The following THAP4 variants were observed in gnomAD, a reference collection of about 807,000 sequenced individuals.
The protein encoded by THAP4 is peroxynitrite isomerase THAP4.
Under a neutral mutation model 48.1 loss-of-function variants are expected in THAP4, and 18 were observed. The observed-to-expected ratio is 0.37, with a 90% CI of 0.26 to 0.56. The LOEUF (loss-of-function observed/expected upper bound fraction) is 0.56, where lower values mean the gene tolerates loss of function less well. Ranked by LOEUF, THAP4 falls within the 20% of genes least tolerant of loss-of-function variation. The pLI, the probability that THAP4 is intolerant of heterozygous loss-of-function variation, is 0.78. For missense variants in THAP4, 656 were observed against 774.9 expected (o/e 0.85, Z 1.82); for synonymous variants, 345 against 324.9 (o/e 1.06, Z -0.66).
Position 241,633,467 on chromosome 2 carries a change from T to C in THAP4, c.690A>G (p.Lys230=). The C allele has an allele frequency of 6.2e-7, 1 of 1,613,950 alleles. No individual in the cohort carries two copies. The highest frequency in any genetic ancestry group is 8.5e-7 in the Non-Finnish European group (1 of 1,179,974). ...DFTPPGSGAC[K]FIGSLHSYSF... ...TGTACGAATGAAGTGAGCCGATAAA[T>C]TTGCACGCCCCAGATCCTGGGGGCG... Residue 230 remains lysine, a synonymous_variant, in exon 2 of 6, where the codon AAA becomes AAG. Coordinates refer to ENST00000407315, the MANE Select transcript of THAP4 (RefSeq NM_015963.6). This position sits in a 1 kb window ranked among gnomAD's most constrained non-coding sequence, Gnocchi z 7.5.
chr2:241,586,749 G>A (rs1184245510), intron 5 of THAP4, among the ~76,000 whole-genome samples: 1 of 152,122 alleles, frequency 6.6e-6, no homozygotes, highest in African/African-American at 2.4e-5. Context: ...ATTAGACACA[G>A]ATGAAGAAAG....
In THAP4 at chr2:241,622,628, TTTG is replaced by T. The variant is rs1468732564; in HGVS notation, c.1240+10286_1240+10288del. ...AAGTTTTCTTTTTTTGAGATAGGGT[TTTG>T]TTCTGTTTCCCAGGCTGGAGTGCAG... On this transcript the variant is annotated intron_variant, in intron 2 of 5. Transcript: ENST00000407315. Among the ~76,000 whole-genome samples, 29 of 152,186 alleles carry T rather than the reference TTTG, an allele frequency of 1.9e-4. No homozygotes were observed. The East Asian group carries it at 5.2e-3, about 27-fold the overall frequency.
chr2:241,621,017 C>T (rs746174172), intron 2 of THAP4, among the ~76,000 whole-genome samples: 4 of 151,988 alleles, frequency 2.6e-5, no homozygotes, highest in Admixed American at 6.6e-5. Flanking sequence ...GACTCAGGTA[C>T]GGCAGAGATT....
At position 241,596,148 on chromosome 2, in the gene THAP4, A is replaced by T. The variant is rs148838208; in HGVS notation, c.1614+5748T>A. 5.5e-3 allele frequency among the ~76,000 whole-genome samples: 826 copies of T among 149,944 alleles called. 9 individuals carry two copies. The highest frequency in any genetic ancestry group is 0.019 in the African/African-American group (797 of 41,386). ...GGGGGTGGTCCAAGGGACCCCAGAC[A>T]TCTAAAGGTGGCCTATAAGATCCAA... On this transcript the variant is annotated intron_variant, in intron 5 of 5. Coordinates refer to ENST00000407315, the MANE Select transcript of THAP4 (RefSeq NM_015963.6).
Position 241,601,919 on chromosome 2 carries a change from C to A in THAP4, c.1591G>T (p.Ala531Ser). ...ASHSIARISF[A>S]KEPHVEQITR... ...ACCTGCTCTACGTGGGGCTCCTTGG[C>A]GAAGGAGATCCTGGCGATGGAGTGG... Residue 531 changes from alanine (A) to serine (S), a missense_variant, in exon 5 of 6, where the codon GCC becomes TCC. By Grantham distance (99) the Ala-to-Ser change is moderately conservative. Around this residue, in one of 4 missense-constraint regions of THAP4, gnomAD observed 176 missense variants for 256.7 expected, o/e 0.69. Transcript: ENST00000407315. The surrounding 1 kb of genome is among the most constrained non-coding windows in gnomAD (Gnocchi z 4.0). 5 of 1,613,880 alleles carry A rather than the reference C, an allele frequency of 3.1e-6. No individual in the cohort carries two copies. The South Asian group carries it at 5.5e-5, about 18-fold the overall frequency.
intron 2 of THAP4, among the ~76,000 whole-genome samples, chr2:241,620,464 G>A (rs2067415098): frequency 7.2e-6 from 1 of 139,430 alleles, no homozygotes. Context: ...GGATGAGTGA[G>A]GGGTGAGTGA....
At chr2:241,606,264 C>T (rs1434535090) in intron 3 of THAP4, 50 bp downstream of exon 3, 5 of 1,488,310 alleles carry the variant, frequency 3.4e-6, no homozygotes, top group Non-Finnish European at 3.6e-6. Flanking sequence ...TTTTCAGAGA[C>T]CTAGGCGGCC....
intron 5 of THAP4, among the ~76,000 whole-genome samples, chr2:241,592,762 C>T (rs774752796): frequency 5.9e-4 from 90 of 152,358 alleles, no homozygotes; most frequent in Non-Finnish European, 1.0e-3. Flanking sequence ...CACATGCAGA[C>T]ACCGTGTCTG....
rs145709909 is a variant in THAP4 at position 241,612,279 on chromosome 2, G to A, written c.1241-5806C>T. Among the ~76,000 whole-genome samples, 1,180 of 152,280 alleles carry A rather than the reference G, an allele frequency of 7.7e-3. 25 individuals are homozygous for A. The highest frequency in any genetic ancestry group is 0.027 in the African/African-American group (1,127 of 41,562). On this transcript the variant is annotated intron_variant, in intron 2 of 5. Transcript: ENST00000407315. The surrounding 1 kb of genome is among the most constrained non-coding windows in gnomAD (Gnocchi z 4.1). ...GTTAAAAAAAAAGACAAAAGATAGA[G>A]AAATGGAAACAAAGTTAGAAGGACG...
chr2:241,620,916 A>G (rs1221947697), intron 2 of THAP4, among the ~76,000 whole-genome samples: 1 of 152,094 alleles, frequency 6.6e-6, no homozygotes, highest in Non-Finnish European at 1.5e-5. Flanking sequence ...GCTGGATCTG[A>G]TATTTCATGT....
intron 5 of THAP4, among the ~76,000 whole-genome samples, chr2:241,590,880 T>G (rs1195536357): frequency 1.4e-5 from 2 of 142,082 alleles, no homozygotes; most frequent in Non-Finnish European, 3.2e-5. Context: ...ACTGCCCGGC[T>G]GACGATGATG....
At chr2:241,625,932 A>G (rs2067491699) in intron 2 of THAP4, among the ~76,000 whole-genome samples, 1 of 152,186 alleles carries the variant, frequency 6.6e-6, no homozygotes, top group Admixed American at 6.5e-5. Flanking sequence ...ATTATTTGCC[A>G]TGACCCAGTG....
chr2:241,617,539 G>A lies in THAP4; in HGVS notation c.1241-11066C>T, dbSNP rs1440421920. 2.0e-5 allele frequency: 26 copies of A among 1,332,116 alleles called. No individual in the cohort carries two copies. In the East Asian group the frequency reaches 5.9e-4, roughly 30 times the overall value. 82.5% of individuals were successfully genotyped at this position (1,332,116 alleles called of 1,614,324 possible). A position where few individuals can be genotyped will look rare whatever the true frequency, so the allele number is the denominator to read the frequency against. ...CAGGAAGTGAATGCTAACTTTAAATGGTGCATTCTGGGAATTGTAGTTCCA... is the reference window on the plus strand; with the variant it reads ...CAGGAAGTGAATGCTAACTTTAAATAGTGCATTCTGGGAATTGTAGTTCCA... On this transcript the variant is annotated intron_variant, in intron 2 of 5. Coordinates refer to ENST00000407315, the MANE Select transcript of THAP4 (RefSeq NM_015963.6).
chr2:241,617,184 A>G, intron 2 of THAP4, among the ~76,000 whole-genome samples: 1 of 152,200 alleles, frequency 6.6e-6, no homozygotes, highest in East Asian at 1.9e-4. Context: ...ATACTTCATT[A>G]GAAAAAAATA....
intron 2 of THAP4, among the ~76,000 whole-genome samples, chr2:241,614,075 G>A (rs1559227885): frequency 6.6e-6 from 1 of 151,268 alleles, no homozygotes; most frequent in African/African-American, 2.4e-5. Context: ...AATCACTTGC[G>A]CCCAGGAGGT....
intron 2 of THAP4, among the ~76,000 whole-genome samples, chr2:241,627,931 G>A (rs1055614698): frequency 5.9e-5 from 9 of 152,026 alleles, no homozygotes; most frequent in Non-Finnish European, 1.3e-4. Context: ...CCTCCCCACT[G>A]ACACACTCTC....
chr2:241,636,651 C>T (rs1387122945), intron 1 of THAP4, among the ~76,000 whole-genome samples: 2 of 152,202 alleles, frequency 1.3e-5, no homozygotes, highest in Non-Finnish European at 2.9e-5. Context: ...GACAATCGGC[C>T]CAGGACCTGC....
intron 1 of THAP4, among the ~76,000 whole-genome samples, chr2:241,635,680 G>A (rs1300757799): frequency 6.6e-6 from 1 of 152,156 alleles, no homozygotes; most frequent in East Asian, 1.9e-4. Context: ...TGAAGCAGGA[G>A]AATAGCTTGA....
rs146014372 is a variant in THAP4, at chr2:241,608,690, C to T, written c.1241-2217G>A. On this transcript the variant is annotated intron_variant, in intron 2 of 5. Coordinates refer to ENST00000407315, the MANE Select transcript of THAP4 (RefSeq NM_015963.6). ...AGAAGCTGACGGAACAGTCATACAT[C>T]CCTACGGAGCATACATCCTAGCGAG... Among the ~76,000 whole-genome samples, 574 of 152,338 alleles carry T rather than the reference C, an allele frequency of 3.8e-3. 1 individual carries two copies. Among genetic ancestry groups the T allele is most frequent in the African/African-American group, 0.013 (538 of 41,566 alleles).
Sources: gnomAD v4.1 joint callset for allele counts (sites outside exome capture counted in the v4.1 genomes callset) on GRCh38, gnomAD v4.1.1 for gene constraint, gnomAD v4.1.1 regional missense constraint, Gnocchi (gnomAD v3.1) non-coding constraint, MANE v1.5 for transcripts, NCBI Gene and HGNC (gene_info 2026-07-23, HGNC 2026-07-21) for gene names.